The following RERE variants were observed in gnomAD, a reference collection of about 807,000 sequenced individuals.
RERE encodes arginine-glutamic acid dipeptide repeats, also known as arginine-glutamic acid dipeptide repeats protein.
A neutral mutation model predicts 146.1 loss-of-function variants in RERE; 40 were observed. The ratio of observed to expected loss-of-function variants is 0.27; its 90% CI spans 0.21 to 0.36. The LOEUF is 0.36. Among genes scored for constraint, RERE ranks in the 10% least tolerant of loss-of-function variants. The probability of loss-of-function intolerance (pLI) is 1.00; values close to 1 mark genes in which losing one functional copy is unlikely to be tolerated. For synonymous variants in RERE, 1,003 were observed against 866.0 expected (o/e 1.16, Z -2.78); for missense variants, 1,933 against 2,138.7 (o/e 0.90, Z 1.90).
intron 4 of RERE, among the ~76,000 whole-genome samples, chr1:8,583,606 T>C (rs1570469550): frequency 6.6e-6 from 1 of 151,812 alleles, no homozygotes; most frequent in Admixed American, 6.6e-5. Flanking sequence ...CCACCATAGC[T>C]CCCTGCCGGC....
chr1:8,653,694 C>CAA lies in RERE; in HGVS notation c.325+2277_325+2278dup, dbSNP rs775354970. On this transcript the variant is annotated intron_variant, in intron 2 of 22. Coordinates refer to ENST00000400908, the MANE Select transcript of RERE (RefSeq NM_001042681.2). Reference sequence around the variant, plus strand: ...TAAGCAACAGAGCGAGACTCCACCTCAAAAAAAAAAAAAAAAAAAAAAGGG... The same window carrying CAA: ...TAAGCAACAGAGCGAGACTCCACCTCAAAAAAAAAAAAAAAAAAAAAAAAGGG... Among the ~76,000 whole-genome samples the CAA allele has an allele frequency of 8.7e-3, 396 of 45,666 alleles. 5 individuals are homozygous for CAA. The highest frequency in any genetic ancestry group is 0.02 in the African/African-American group (262 of 13,190). 30.0% of individuals were successfully genotyped at this position (45,666 alleles called of 152,430 possible).
chr1:8,797,984 C>A (rs1340121924), intron 1 of RERE, among the ~76,000 whole-genome samples: 1 of 152,184 alleles, frequency 6.6e-6, no homozygotes, highest in Non-Finnish European at 1.5e-5. Flanking sequence ...CTAGGCCAGG[C>A]GCAGTGGCTC....
intron 12 of RERE, among the ~76,000 whole-genome samples, chr1:8,417,135 GTTTA>G (rs1482462708): frequency 1.3e-5 from 2 of 152,190 alleles, no homozygotes; most frequent in African/African-American, 2.4e-5. Context: ...TAGGAAAATT[GTTTA>G]TTTAAGGTTA....
chr1:8,474,949 T>C (rs1442972707), intron 10 of RERE, among the ~76,000 whole-genome samples: 1 of 152,238 alleles, frequency 6.6e-6, no homozygotes, highest in African/African-American at 2.4e-5. Flanking sequence ...CACAAGAAAC[T>C]GTCAAAATAA....
rs78085798 is a variant in RERE at position 8,734,791 on chromosome 1, A to C, written c.-144-78350T>G. 8.4e-3 allele frequency among the ~76,000 whole-genome samples: 1,277 copies of C among 152,262 alleles called. 19 individuals carry two copies. The highest frequency in any genetic ancestry group is 0.029 in the African/African-American group (1,222 of 41,524). On this transcript the variant is annotated intron_variant, in intron 1 of 22. Transcript: ENST00000400908. ...GCCATTATGAACTACTGGAATTTTC[A>C]AACTCACCAACACTGTTTTATGCTT...
chr1:8,719,318 T>C (rs1195301147), intron 1 of RERE, among the ~76,000 whole-genome samples: 1 of 152,134 alleles, frequency 6.6e-6, no homozygotes, highest in Non-Finnish European at 1.5e-5. Context: ...TGTCAAAACA[T>C]TATTGTCCAA....
chr1:8,465,062 T>G (rs1468065258), intron 11 of RERE: 1 of 152,312 alleles, frequency 6.6e-6, no homozygotes, highest in Non-Finnish European at 1.5e-5. Flanking sequence ...CATTTAAATT[T>G]CATTCGACCT....
At position 8,361,310 on chromosome 1, in the gene RERE, T is replaced by A. The variant is rs868258421; in HGVS notation, c.2197A>T (p.Met733Leu). The stretch of plus-strand genomic sequence containing the variant: ...AAGGCTGGGGGCTGGGCCTGCAGCA[T>A]CTGCTGCTGGGCTGACGAGTCCGAG... ...SDSDSSAQQQ[M>L]LQAQPPALQA... The change falls in exon 18 of 23, where the codon ATG becomes TTG. Residue 733 changes from methionine to leucine, a missense_variant. Around this residue, in one of 11 missense-constraint regions of RERE, gnomAD observed 1,255 missense variants for 1,153.8 expected, o/e 1.09. Coordinates refer to ENST00000400908, the MANE Select transcript of RERE (RefSeq NM_001042681.2). 1 of 1,610,718 alleles carries A rather than the reference T, an allele frequency of 6.2e-7. No homozygotes were observed. The highest frequency in any genetic ancestry group is 8.5e-7 in the Non-Finnish European group (1 of 1,178,240).
chr1:8,764,408 C>A (rs1480724442), intron 1 of RERE, among the ~76,000 whole-genome samples: 1 of 152,004 alleles, frequency 6.6e-6, no homozygotes, highest in African/African-American at 2.4e-5. Flanking sequence ...GAATTTTTTT[C>A]TTAAGTTAAA....
At chr1:8,456,222 A>G (rs17464614) in intron 11 of RERE, among the ~76,000 whole-genome samples, 7,330 of 152,296 alleles carry the variant, frequency 0.048, 245 homozygotes, top group Middle Eastern at 0.085. Flanking sequence ...TATAATTCAG[A>G]GCATGACATC....
At chr1:8,535,810 A>G (rs1217105106) in intron 7 of RERE, among the ~76,000 whole-genome samples, 2 of 152,296 alleles carry the variant, frequency 1.3e-5, no homozygotes, top group Non-Finnish European at 2.9e-5. Flanking sequence ...AAAAGCGGAC[A>G]GCCTGCAGGA....
intron 10 of RERE, among the ~76,000 whole-genome samples, chr1:8,489,579 T>A (rs1644948843): frequency 6.6e-6 from 1 of 152,028 alleles, no homozygotes; most frequent in South Asian, 2.1e-4. Flanking sequence ...CAGGAAAAGA[T>A]GCTCAACCCT....
At chr1:8,470,548 C>T (rs1249751147) in intron 10 of RERE, among the ~76,000 whole-genome samples, 16 of 152,122 alleles carry the variant, frequency 1.1e-4, no homozygotes, top group Admixed American at 1.0e-3. Flanking sequence ...TCACCACGCC[C>T]AGCCCCAAAG....
intron 12 of RERE, among the ~76,000 whole-genome samples, chr1:8,414,543 G>T (rs1009229550): frequency 6.6e-6 from 1 of 152,028 alleles, no homozygotes; most frequent in African/African-American, 2.4e-5. Context: ...GCAACAGAGG[G>T]AGATTCCGTC....
At chr1:8,791,493 G>C (rs1641362843) in intron 1 of RERE, among the ~76,000 whole-genome samples, 1 of 152,114 alleles carries the variant, frequency 6.6e-6, no homozygotes, top group African/African-American at 2.4e-5. Flanking sequence ...CAAATGAATG[G>C]GCAAGCCCAA....
At chr1:8,554,120 G>A (rs1645974746) in intron 6 of RERE, among the ~76,000 whole-genome samples, 1 of 152,176 alleles carries the variant, frequency 6.6e-6, no homozygotes, top group African/African-American at 2.4e-5. Flanking sequence ...GGCGGAGGTT[G>A]CAGTAAAGTG....
chr1:8,663,573 C>T (rs890720625), intron 1 of RERE, among the ~76,000 whole-genome samples: 1 of 152,114 alleles, frequency 6.6e-6, no homozygotes, highest in Non-Finnish European at 1.5e-5. Flanking sequence ...ACATTGTTTG[C>T]CTTAGCCTTC....
intron 11 of RERE, among the ~76,000 whole-genome samples, chr1:8,455,142 G>A (rs1256477707): frequency 4.6e-5 from 7 of 152,168 alleles, no homozygotes; most frequent in African/African-American, 1.7e-4. Context: ...GGGACACGGG[G>A]CAGTGGTGAC....
chr1:8,432,483 G>T (rs546784618), intron 11 of RERE, among the ~76,000 whole-genome samples: 4 of 152,202 alleles, frequency 2.6e-5, no homozygotes, highest in African/African-American at 9.6e-5. Context: ...ACTGTGCGAA[G>T]CATGTTCCAG....
Sources: allele counts gnomAD v4.1 joint callset (sites outside exome capture counted in the v4.1 genomes callset), GRCh38; gene constraint gnomAD v4.1.1; regional missense constraint gnomAD v4.1.1; transcripts MANE v1.5; gene names NCBI Gene and HGNC (gene_info 2026-07-23, HGNC 2026-07-21).